Variants in RFC4 observed in about 807,000 individuals in gnomAD.
RFC4 encodes A1 37 kDa subunit.
Under a neutral mutation model 47.6 loss-of-function variants are expected in RFC4, and 38 were observed. That is an observed-to-expected ratio of 0.80 (90% confidence interval 0.62 to 1.05). The LOEUF is 1.05. Among genes scored for constraint, RFC4 ranks in the 50% least tolerant of loss-of-function variants. The pLI is 0.00. For synonymous variants in RFC4, 164 were observed against 150.0 expected (o/e 1.09, Z -0.68); for missense variants, 489 against 434.0 (o/e 1.13, Z -1.13).
chr3:186,804,844 A>C (rs710450), intron 1 of RFC4, 120 bp from the exon 2 acceptor site: 430,102 of 900,362 alleles, frequency 0.48, 103,550 homozygotes, highest in East Asian at 0.51. Context: ...CCCGAAAATA[A>C]ACTTAGCCTT....
At chr3:186,790,100 GTAGT>G in intron 10 of RFC4, 36 bp from the exon 11 acceptor site, 3 of 1,601,232 alleles carry the variant, frequency 1.9e-6, no homozygotes, top group Middle Eastern at 1.7e-4. Context: ...CATCCTTCAG[GTAGT>G]TAAATGTTCC....
intron 2 of RFC4, among the ~76,000 whole-genome samples, chr3:186,803,686 T>C (rs1206494053): frequency 6.6e-6 from 1 of 151,026 alleles, no homozygotes; most frequent in Non-Finnish European, 1.5e-5. Flanking sequence ...TTTTTTTTTT[T>C]TTCCCAGTAA....
rs1372671860 is a variant in RFC4, at chr3:186,793,467, A to C, written c.411-520T>G. Among the ~76,000 whole-genome samples, 1 of 152,202 alleles carries C rather than the reference A, an allele frequency of 6.6e-6. No individual in the cohort carries two copies. The highest frequency in any genetic ancestry group is 2.4e-5 in the African/African-American group (1 of 41,448). On this transcript the variant is annotated intron_variant, in intron 5 of 10. Coordinates refer to ENST00000296273, the MANE Select transcript of RFC4 (RefSeq NM_002916.5). This position sits in a 1 kb window ranked among gnomAD's most constrained non-coding sequence, Gnocchi z 4.2. Reference sequence around the variant, plus strand: ...ATAATGCTGCTGTGAACATTTGTGTACATGTTTTTGAGCAGACATGTCTTC... The same window carrying C: ...ATAATGCTGCTGTGAACATTTGTGTCCATGTTTTTGAGCAGACATGTCTTC...
At chr3:186,790,994 G>T (rs77580646) in intron 8 of RFC4, among the ~76,000 whole-genome samples, 1,594 of 152,214 alleles carry the variant, frequency 0.01, 24 homozygotes, top group East Asian at 0.072. Context: ...AACAAAAGTT[G>T]TTAAGTAGTA....
chr3:186,790,760 A>C (rs1016511539), intron 8 of RFC4, among the ~76,000 whole-genome samples: 2 of 152,220 alleles, frequency 1.3e-5, no homozygotes, highest in Admixed American at 6.5e-5. Flanking sequence ...GATTTCTTTA[A>C]AGGGGAAGTG....
Position 186,806,012 on chromosome 3 carries a change from A to G in RFC4, c.-12+278T>C, listed in dbSNP as rs1307114130. On this transcript the variant is annotated intron_variant, in intron 1 of 10. Transcript: ENST00000296273. The stretch of plus-strand genomic sequence containing the variant: ...AGTTCCTTGCTTGGCATATGGGGAT[A>G]TGCTCAATAAAATAAATTTTTAATA... 3.9e-5 allele frequency among the ~76,000 whole-genome samples: 6 copies of G among 152,380 alleles called. No individual in the cohort carries two copies. The South Asian group carries it at 6.2e-4, about 16-fold the overall frequency.
chr3:186,798,292 T>TAG (rs1722282714), intron 3 of RFC4, among the ~76,000 whole-genome samples: 1 of 152,146 alleles, frequency 6.6e-6, no homozygotes, highest in African/African-American at 2.4e-5. Context: ...CTAGTTTGGC[T>TAG]CCTATCAAGC....
At chr3:186,801,423 G>A (rs538558556) in intron 2 of RFC4, 32 of 540,680 alleles carry the variant, frequency 5.9e-5, no homozygotes, top group African/African-American at 1.9e-4. Flanking sequence ...TGCATTGCTC[G>A]AATCTGTTAT....
chr3:186,802,616 T>C (rs1047102888), intron 2 of RFC4, among the ~76,000 whole-genome samples: 1 of 152,210 alleles, frequency 6.6e-6, no homozygotes, highest in Non-Finnish European at 1.5e-5. Flanking sequence ...TAAGAGAAGC[T>C]AGAACAAAGT....
intron 3 of RFC4, among the ~76,000 whole-genome samples, chr3:186,799,274 C>T (rs1560092923): frequency 2.0e-5 from 3 of 152,124 alleles, no homozygotes; most frequent in African/African-American, 4.8e-5. Context: ...AAAAAATTAT[C>T]TTCTTATAAT....
At chr3:186,795,881 T>C (rs1722234757) in intron 4 of RFC4, among the ~76,000 whole-genome samples, 1 of 152,220 alleles carries the variant, frequency 6.6e-6, no homozygotes, top group South Asian at 2.1e-4. Context: ...AATTAATGGA[T>C]TAAAACATGA....
Position 186,804,660 on chromosome 3 carries a change from C to T in RFC4, c.54G>A (p.Lys18=), listed in dbSNP as rs1271636176. 1 of 1,614,090 alleles carries T rather than the reference C, an allele frequency of 6.2e-7. No homozygotes were observed. Residue 18 remains lysine (K), a synonymous_variant, in exon 2 of 11, where the codon AAG becomes AAA. Transcript: ENST00000296273. ...CCGCACTGGCAGCTACTCCTCGATC[C>T]TTGGTCAGCGGGGGTTTAGTACTGA... ...TSISTKPPLT[K]DRGVAASAGS...
Position 186,793,403 on chromosome 3 carries a change from T to C in RFC4, c.411-456A>G, listed in dbSNP as rs1235251525. Among the ~76,000 whole-genome samples the C allele has an allele frequency of 6.6e-6, 1 of 152,236 alleles. No individual in the cohort carries two copies. Among genetic ancestry groups the C allele is most frequent in the African/African-American group, 2.4e-5 (1 of 41,466 alleles). On this transcript the variant is annotated intron_variant, in intron 5 of 10. Transcript: ENST00000296273. This position sits in a 1 kb window ranked among gnomAD's most constrained non-coding sequence, Gnocchi z 4.2. ...CCACATTTATTCATCCATTAATCGG[T>C]TGGACATTTGGGCTGTTTCCATGTT... is the stretch of plus-strand genomic sequence containing the variant.
intron 2 of RFC4, among the ~76,000 whole-genome samples, chr3:186,802,993 C>G (rs1212241824): frequency 6.6e-6 from 1 of 152,088 alleles, no homozygotes; most frequent in Non-Finnish European, 1.5e-5. Flanking sequence ...AATCCAGACC[C>G]TCCTCCACAT....
intron 2 of RFC4, among the ~76,000 whole-genome samples, chr3:186,804,177 C>T (rs1166120835): frequency 4.6e-5 from 7 of 151,932 alleles, no homozygotes; most frequent in Admixed American, 4.6e-4. Context: ...AGTGAGACTC[C>T]GTCTCAAAAA....
chr3:186,797,634 T>A lies in RFC4; in HGVS notation c.211-20A>T. ...AGGAAGCTGTAGAAATTAAATTTTATTTTTAATAAATGGTATTCTGGCACA... is the reference window on the plus strand; with the variant it reads ...AGGAAGCTGTAGAAATTAAATTTTAATTTTAATAAATGGTATTCTGGCACA... On this transcript the variant is annotated intron_variant, in intron 3 of 10. Transcript: ENST00000296273. 6.5e-7 allele frequency: 1 copy of A among 1,531,228 alleles called. No individual in the cohort carries two copies. The highest frequency in any genetic ancestry group is 1.2e-5 in the South Asian group (1 of 86,954). The allele number at this position is 1,531,228 out of a possible 1,614,324, so 94.9% of individuals were successfully genotyped here.
At chr3:186,790,917 A>G (rs1722106670) in intron 8 of RFC4, among the ~76,000 whole-genome samples, 1 of 152,022 alleles carries the variant, frequency 6.6e-6, no homozygotes, top group Non-Finnish European at 1.5e-5. Flanking sequence ...TCATAGAAAC[A>G]AAGAGGATTA....
At chr3:186,799,708 G>C (rs989231494) in intron 3 of RFC4, among the ~76,000 whole-genome samples, 2 of 151,216 alleles carry the variant, frequency 1.3e-5, no homozygotes, top group Non-Finnish European at 2.9e-5. Context: ...GCAAGACTCT[G>C]TCTCAATTAC....
At chr3:186,791,606 T>TA in intron 8 of RFC4, 119 bp downstream of exon 8, 1 of 874,642 alleles carries the variant, frequency 1.1e-6, no homozygotes. Context: ...GTTATTCCCT[T>TA]ATACTTCCTA....
Sources: gnomAD v4.1 joint callset for allele counts (sites outside exome capture counted in the v4.1 genomes callset) on GRCh38, gnomAD v4.1.1 for gene constraint, Gnocchi (gnomAD v3.1) non-coding constraint, MANE v1.5 for transcripts, NCBI Gene and HGNC (gene_info 2026-07-23, HGNC 2026-07-21) for gene names.